ARHGAP26: variants seen among roughly 807,000 people sequenced by gnomAD.
ARHGAP26 encodes rho GTPase-activating protein 26.
In ARHGAP26, 38 loss-of-function variants were observed where a neutral mutation model predicts 104.8. The observed-to-expected ratio is 0.36, with a 90% CI of 0.28 to 0.48. The LOEUF is 0.48. Ranked by LOEUF, ARHGAP26 falls within the 20% of genes least tolerant of loss-of-function variation. The pLI is 0.99. For synonymous variants in ARHGAP26, 341 were observed against 340.0 expected (o/e 1.00, Z -0.03); for missense variants, 704 against 947.9 (o/e 0.74, Z 3.38).
At chr5:142,837,505 G>A (rs35297) in intron 1 of ARHGAP26, among the ~76,000 whole-genome samples, 21,528 of 152,098 alleles carry the variant, frequency 0.14, 2,199 homozygotes, top group East Asian at 0.45. Flanking sequence ...TTCACTTGGC[G>A]ATGATAAGAA....
At chr5:143,158,392 C>A (rs1270878985) in intron 20 of ARHGAP26, among the ~76,000 whole-genome samples, 1 of 152,218 alleles carries the variant, frequency 6.6e-6, no homozygotes, top group Non-Finnish European at 1.5e-5. Context: ...GTCAAAGCCC[C>A]CTACCCTATT....
chr5:142,793,383 C>T (rs1246240380), intron 1 of ARHGAP26, among the ~76,000 whole-genome samples: 1 of 150,358 alleles, frequency 6.7e-6, no homozygotes, highest in African/African-American at 2.5e-5. Flanking sequence ...TCTCACTGGT[C>T]CCAGCTCTAA....
intron 14 of ARHGAP26, among the ~76,000 whole-genome samples, chr5:143,053,965 G>A (rs1005210474): frequency 3.9e-5 from 6 of 152,192 alleles, no homozygotes; most frequent in African/African-American, 9.7e-5. Context: ...TAGACATACG[G>A]TAATTCACTT....
intron 17 of ARHGAP26, among the ~76,000 whole-genome samples, chr5:143,091,874 G>A (rs998506017): frequency 1.3e-5 from 2 of 152,160 alleles, no homozygotes; most frequent in African/African-American, 2.4e-5. Context: ...TTCAAAACTT[G>A]CTTAAACCTT....
At chr5:142,846,998 G>C (rs897790433) in intron 1 of ARHGAP26, among the ~76,000 whole-genome samples, 1 of 151,996 alleles carries the variant, frequency 6.6e-6, no homozygotes, top group African/African-American at 2.4e-5. Flanking sequence ...TGAAAAAATG[G>C]GTAGCGGGGG....
chr5:143,090,538 G>A (rs902001412), intron 17 of ARHGAP26, among the ~76,000 whole-genome samples: 10 of 152,136 alleles, frequency 6.6e-5, no homozygotes, highest in African/African-American at 2.4e-4. Context: ...GCAGGTGGCG[G>A]GGGATCAAAG....
intron 20 of ARHGAP26, among the ~76,000 whole-genome samples, chr5:143,183,790 C>T (rs1331449398): frequency 6.6e-6 from 1 of 152,186 alleles, no homozygotes; most frequent in Admixed American, 6.5e-5. Context: ...AGTCCTGTGG[C>T]TCCTCAGCAG....
chr5:142,812,845 C>T (rs543204535), intron 1 of ARHGAP26, among the ~76,000 whole-genome samples: 1 of 152,178 alleles, frequency 6.6e-6, no homozygotes, highest in Admixed American at 6.5e-5. Context: ...GCTCCTAAAA[C>T]AGGGGTATTG....
intron 17 of ARHGAP26, among the ~76,000 whole-genome samples, chr5:143,114,615 G>A (rs1795187206): frequency 6.6e-6 from 1 of 152,164 alleles, no homozygotes; most frequent in Non-Finnish European, 1.5e-5. Context: ...AGAGAAGGGT[G>A]ATATTGACTG....
intron 20 of ARHGAP26, among the ~76,000 whole-genome samples, chr5:143,193,101 T>A (rs1484689602): frequency 1.3e-5 from 2 of 152,104 alleles, no homozygotes; most frequent in Admixed American, 6.6e-5. Flanking sequence ...GAAGTCTTGC[T>A]CCCCACATGA....
intron 1 of ARHGAP26, among the ~76,000 whole-genome samples, chr5:142,775,797 G>A (rs914866739): frequency 6.6e-6 from 1 of 152,182 alleles, no homozygotes; most frequent in Non-Finnish European, 1.5e-5. Flanking sequence ...TTAATAGCAT[G>A]TGTTAGGATT....
chr5:143,057,355 G>GA (rs1477857622), intron 16 of ARHGAP26, among the ~76,000 whole-genome samples: 2 of 152,128 alleles, frequency 1.3e-5, no homozygotes, highest in Non-Finnish European at 2.9e-5. Flanking sequence ...TTGTTCTCAG[G>GA]AGCAGCTCTG....
chr5:143,188,001 A>C (rs1805403781), intron 20 of ARHGAP26, among the ~76,000 whole-genome samples: 1 of 152,196 alleles, frequency 6.6e-6, no homozygotes, highest in Non-Finnish European at 1.5e-5. Context: ...ACACTTTCGC[A>C]AACTACACCA....
At chr5:143,099,106 G>C (rs1562421857) in intron 17 of ARHGAP26, among the ~76,000 whole-genome samples, 1 of 152,176 alleles carries the variant, frequency 6.6e-6, no homozygotes, top group Non-Finnish European at 1.5e-5. Flanking sequence ...TATCTTTTCT[G>C]CTGGACAGAA....
intron 1 of ARHGAP26, among the ~76,000 whole-genome samples, chr5:142,774,346 A>G (rs949895618): frequency 4.0e-5 from 6 of 151,850 alleles, no homozygotes; most frequent in African/African-American, 1.2e-4. Context: ...ATTTGCATCC[A>G]GTCTGTAGTT....
rs1597807269 is a variant in ARHGAP26, at chr5:142,828,890, G to A, written c.155-44510G>A. Among the ~76,000 whole-genome samples the A allele has an allele frequency of 2.0e-5, 3 of 152,290 alleles. No homozygotes were observed. The South Asian group carries it at 6.2e-4, about 32-fold the overall frequency. ...TGATTCTGACACACACCAGGTCCCC[G>A]CCTTCCTCCAGCAGCCTGACCCTGT... On this transcript the variant is annotated intron_variant, in intron 1 of 22. Coordinates refer to ENST00000645722, the MANE Select transcript of ARHGAP26 (RefSeq NM_001135608.3).
chr5:143,194,246 A>G (rs1806439055), intron 20 of ARHGAP26: 1 of 152,272 alleles, frequency 6.6e-6, no homozygotes, highest in Non-Finnish European at 1.5e-5. Flanking sequence ...ATTCAACAAC[A>G]TTCAACAAAT....
intron 17 of ARHGAP26, among the ~76,000 whole-genome samples, chr5:143,062,841 A>G (rs1786928762): frequency 6.6e-6 from 1 of 152,234 alleles, no homozygotes; most frequent in South Asian, 2.1e-4. Context: ...AGAAGATAAG[A>G]TTTAACTTAC....
chr5:143,106,827 G>A (rs1242327844), intron 17 of ARHGAP26, among the ~76,000 whole-genome samples: 1 of 152,134 alleles, frequency 6.6e-6, no homozygotes, highest in African/African-American at 2.4e-5. Flanking sequence ...TGTGGTTGAA[G>A]ATACAACTTA....
Sources: allele counts gnomAD v4.1 joint callset (sites outside exome capture counted in the v4.1 genomes callset), GRCh38; gene constraint gnomAD v4.1.1; transcripts MANE v1.5; gene names NCBI Gene and HGNC (gene_info 2026-07-23, HGNC 2026-07-21).